Variants in KMT2A observed in about 807,000 individuals in gnomAD.
KMT2A encodes the protein lysine methyltransferase 2A, also known as histone-lysine N-methyltransferase 2A.
Under a neutral mutation model 345.3 loss-of-function variants are expected in KMT2A, and 16 were observed. That is an observed-to-expected ratio of 0.05 (90% confidence interval 0.03 to 0.07). KMT2A has a LOEUF of 0.07. Ranked by LOEUF, KMT2A falls within the 10% of genes least tolerant of loss-of-function variation. KMT2A has a pLI of 1.00. For synonymous variants in KMT2A, 1,599 were observed against 1,778.6 expected, an observed-to-expected ratio of 0.90 and a Z score of 2.54; for missense variants, 3,272 against 4,841.6, an observed-to-expected ratio of 0.68 and a Z score of 9.62.
chr11:118,480,777 C>T (rs1354257563), intron 6 of KMT2A, among the ~76,000 whole-genome samples: 1 of 152,198 alleles, frequency 6.6e-6, no homozygotes. Flanking sequence ...ATCCTCCCAC[C>T]TCAGCCTCCC....
intron 1 of KMT2A, among the ~76,000 whole-genome samples, chr11:118,454,970 T>C (rs1555030296): frequency 6.6e-6 from 1 of 152,072 alleles, no homozygotes; most frequent in Non-Finnish European, 1.5e-5. Context: ...CCCTAGCGAA[T>C]ATAACCCCAC....
Position 118,525,441 on chromosome 11 carries a change from C to G in KMT2A, c.*3269C>G, listed in dbSNP as rs1421275788. ...CCACCCACCACCTCTCGCACAGCCC[C>G]TCTGTTTTTACACCAATAACAAGAA... On this transcript the variant is annotated 3_prime_UTR_variant, in exon 36 of 36. Coordinates refer to ENST00000534358, the MANE Select transcript of KMT2A (RefSeq NM_001197104.2). 4.4e-6 allele frequency: 1 copy of G among 227,900 alleles called. No homozygotes were observed. Among genetic ancestry groups the G allele is most frequent in the East Asian group, 6.3e-5 (1 of 15,942 alleles). The allele number at this position is 227,900 out of a possible 1,614,324, so 14.1% of individuals were successfully genotyped here. A position where few individuals can be genotyped will look rare whatever the true frequency, so the allele number is the denominator to read the frequency against.
intron 1 of KMT2A, chr11:118,458,212 T>C (rs1464776560): frequency 2.9e-6 from 1 of 345,884 alleles, no homozygotes; most frequent in African/African-American, 2.2e-5. Context: ...ACCTCCCAAG[T>C]AGCTGGGACT....
chr11:118,497,782 C>T lies in KMT2A; in HGVS notation c.5665-154C>T, dbSNP rs933400580. ...AAAGAAGGAAGTGGAAACAGAGCAA[C>T]GTTGCAAAAAGAATTCTGATTTCTG... On this transcript the variant is annotated intron_variant, in intron 20 of 35. Coordinates refer to ENST00000534358, the MANE Select transcript of KMT2A (RefSeq NM_001197104.2). The surrounding 1 kb of genome is among the most constrained non-coding windows in gnomAD (Gnocchi z 4.8). Among the ~76,000 whole-genome samples the T allele has an allele frequency of 1.3e-5, 2 of 152,104 alleles. No homozygotes were observed. The highest frequency in any genetic ancestry group is 1.9e-4 in the East Asian group (1 of 5,196).
chr11:118,500,328 G>T (rs902508879), intron 24 of KMT2A, among the ~76,000 whole-genome samples: 13 of 152,048 alleles, frequency 8.5e-5, no homozygotes, highest in Non-Finnish European at 1.3e-4. Flanking sequence ...TTTTCAATAA[G>T]AATTTATAAT....
At chr11:118,514,422 C>T (rs1325679092) in intron 31 of KMT2A, among the ~76,000 whole-genome samples, 1 of 151,522 alleles carries the variant, frequency 6.6e-6, no homozygotes, top group Non-Finnish European at 1.5e-5. Flanking sequence ...ATTTACTGTT[C>T]CAGATCCATC....
chr11:118,505,427 A>G lies in KMT2A; in HGVS notation c.9535A>G (p.Asn3179Asp). Residue 3179 changes from asparagine (N) to aspartate (D), a missense_variant, in exon 27 of 36, where the codon AAC becomes GAC. Physicochemically the swap from Asn to Asp is conservative, Grantham distance 23 (BLOSUM62 1). Transcript: ENST00000534358. The surrounding 1 kb of genome is among the most constrained non-coding windows in gnomAD (Gnocchi z 4.6). ...PAATQSSFPP[N>D]ISNPPSGLLI... ...AGCTACTCAAAGTAGTTTCCCACCA[A>G]ACATCAGCAATCCTCCTTCAGGCCT... 1.9e-6 allele frequency: 3 copies of G among 1,614,016 alleles called. No homozygotes were observed. Among genetic ancestry groups the G allele is most frequent in the Non-Finnish European group, 2.5e-6 (3 of 1,179,994 alleles).
At position 118,500,971 on chromosome 11, in the gene KMT2A, A is replaced by C; in HGVS notation, c.6159-16A>C. 6.2e-7 allele frequency: 1 copy of C among 1,600,374 alleles called. No homozygotes were observed. The highest frequency in any genetic ancestry group is 1.1e-5 in the South Asian group (1 of 90,424). ...TCCTCTCCCTTATGATGATTTTCCC[A>C]AATCTGTTTACCCAGGTGTTCCAGG... On this transcript the variant is annotated splice_polypyrimidine_tract_variant and intron_variant, in intron 24 of 35. Transcript: ENST00000534358.
Position 118,490,003 on chromosome 11 carries a change from T to A in KMT2A, c.4575+116T>A. The A allele has an allele frequency of 7.0e-7, 1 of 1,426,244 alleles. No homozygotes were observed. 88.3% of individuals were successfully genotyped at this position (1,426,244 alleles called of 1,614,324 possible). On this transcript the variant is annotated intron_variant, in intron 12 of 35. Transcript: ENST00000534358. This position sits in a 1 kb window ranked among gnomAD's most constrained non-coding sequence, Gnocchi z 4.2. ...ATGTCAGTATGACAATCTTTTTGCC[T>A]CATTACTAGGAAATCATCTCAGCAG... is the stretch of plus-strand genomic sequence containing the variant.
intron 1 of KMT2A, among the ~76,000 whole-genome samples, chr11:118,452,426 G>T (rs1555029263): frequency 6.6e-6 from 1 of 152,118 alleles, no homozygotes; most frequent in African/African-American, 2.4e-5. Context: ...CAGCTCCTCA[G>T]GAGACTGAGA....
chr11:118,507,836 G>T (rs766672797), intron 28 of KMT2A: 4 of 420,846 alleles, frequency 9.5e-6, no homozygotes, highest in East Asian at 9.0e-5. Context: ...GATGGCGGGC[G>T]CCTGTAGTCC....
rs782794908 is a variant in KMT2A, at chr11:118,521,447, CT to C, written c.11643+34del. 6.2e-7 allele frequency: 1 copy of C among 1,610,994 alleles called. No homozygotes were observed. ...GTCTCCCACTTGCACTCACACAGTT[CT>C]TTTGTTTTGCTGTAGAAAGGGACCA... On this transcript the variant is annotated intron_variant, in intron 35 of 35. Transcript: ENST00000534358. This position sits in a 1 kb window ranked among gnomAD's most constrained non-coding sequence, Gnocchi z 5.3.
chr11:118,451,379 T>G (rs1949533918), intron 1 of KMT2A, among the ~76,000 whole-genome samples: 1 of 151,772 alleles, frequency 6.6e-6, no homozygotes, highest in South Asian at 2.1e-4. Flanking sequence ...GCCTACTAAT[T>G]TTTAATTTTC....
chr11:118,508,236 C>T (rs1950622659), intron 28 of KMT2A, among the ~76,000 whole-genome samples: 1 of 152,078 alleles, frequency 6.6e-6, no homozygotes, highest in Non-Finnish European at 1.5e-5. Flanking sequence ...AATATGTATA[C>T]ACTTTTTTAC....
intron 10 of KMT2A, among the ~76,000 whole-genome samples, chr11:118,487,868 A>G (rs188455217): frequency 9.8e-5 from 15 of 152,366 alleles, no homozygotes; most frequent in Non-Finnish European, 1.9e-4. Context: ...TATCAATATG[A>G]AAATAACTTA....
chr11:118,506,565 A>G lies in KMT2A; in HGVS notation c.10673A>G (p.His3558Arg). 2 of 1,614,176 alleles carry G rather than the reference A, an allele frequency of 1.2e-6. No homozygotes were observed. The highest frequency in any genetic ancestry group is 1.7e-6 in the Non-Finnish European group (2 of 1,180,024). ...LPLDKGNGKK[H>R]KVSHLRTSSS... ...CTAGACAAAGGGAATGGCAAGAAGC[A>G]CAAAGTTTCCCATTTGCGGACCAGT... Residue 3558 changes from histidine (H) to arginine (R), a missense_variant, in exon 27 of 36, where the codon CAC (histidine) becomes CGC (arginine). Physicochemically the swap from His to Arg is conservative, Grantham distance 29. Coordinates refer to ENST00000534358, the MANE Select transcript of KMT2A (RefSeq NM_001197104.2).
chr11:118,513,766 A>C (rs1950739761), intron 31 of KMT2A, among the ~76,000 whole-genome samples: 1 of 151,578 alleles, frequency 6.6e-6, no homozygotes, highest in African/African-American at 2.4e-5. Context: ...CCTCATCTCT[A>C]TATAAAAAAA....
intron 31 of KMT2A, among the ~76,000 whole-genome samples, chr11:118,518,804 G>GCCGC (rs1446280532): frequency 1.4e-5 from 2 of 144,376 alleles, no homozygotes; most frequent in African/African-American, 5.1e-5. Context: ...AAAGCCGGGC[G>GCCGC]CGGTGGCTCA....
chr11:118,452,259 G>C (rs573987920), intron 1 of KMT2A, among the ~76,000 whole-genome samples: 2 of 152,160 alleles, frequency 1.3e-5, no homozygotes, highest in Non-Finnish European at 2.9e-5. Flanking sequence ...TTTTCAGTCA[G>C]GCATGGTGGC....
Sources: gnomAD v4.1 joint callset for allele counts (sites outside exome capture counted in the v4.1 genomes callset) on GRCh38, gnomAD v4.1.1 for gene constraint, Gnocchi (gnomAD v3.1) non-coding constraint, MANE v1.5 for transcripts, NCBI Gene and HGNC (gene_info 2026-07-23, HGNC 2026-07-21) for gene names.